Variants in ADGRV1 observed in about 807,000 individuals in gnomAD.
The protein encoded by ADGRV1 is G-protein coupled receptor 98.
In ADGRV1, 359 loss-of-function variants were observed where a neutral mutation model predicts 596.2. The ratio of observed to expected loss-of-function variants is 0.60; its 90% CI spans 0.55 to 0.66. ADGRV1 has a LOEUF of 0.66. Among genes scored for constraint, ADGRV1 ranks in the 30% least tolerant of loss-of-function variants. The pLI is 0.00. For synonymous variants in ADGRV1, 2,681 were observed against 2,679.2 expected, an observed-to-expected ratio of 1.00 and a Z score of -0.02; for missense variants, 7,274 against 7,575.6, an observed-to-expected ratio of 0.96 and a Z score of 1.48.
chr5:90,986,148 G>T (rs1229687169), intron 85 of ADGRV1, among the ~76,000 whole-genome samples: 1 of 147,850 alleles, frequency 6.8e-6, no homozygotes, highest in Non-Finnish European at 1.5e-5. Context: ...CCTAAATCCG[G>T]TATGTTGTAG....
intron 65 of ADGRV1, among the ~76,000 whole-genome samples, chr5:90,782,875 C>T (rs1442331020): frequency 6.6e-6 from 1 of 152,102 alleles, no homozygotes; most frequent in Admixed American, 6.6e-5. Context: ...GCCAATGCTA[C>T]TGATTAAATA....
chr5:90,711,084 C>A, intron 40 of ADGRV1, 25 bp downstream of exon 40: 1 of 1,585,742 alleles, frequency 6.3e-7, no homozygotes, highest in Admixed American at 1.7e-5. Flanking sequence ...GCATGAGAGC[C>A]CTCTTCTGGG....
intron 87 of ADGRV1, among the ~76,000 whole-genome samples, chr5:91,110,058 C>T (rs1792233085): frequency 6.6e-6 from 1 of 152,070 alleles, no homozygotes. Flanking sequence ...CTATATTGTC[C>T]ACAAGAAATT....
chr5:90,833,707 G>A (rs530743014), intron 77 of ADGRV1, among the ~76,000 whole-genome samples: 16 of 151,926 alleles, frequency 1.1e-4, no homozygotes, highest in South Asian at 8.3e-4. Flanking sequence ...GTTCACTGTC[G>A]GCATATAGAA....
At chr5:90,713,855 C>G (rs1351055904) in intron 42 of ADGRV1, among the ~76,000 whole-genome samples, 2 of 152,110 alleles carry the variant, frequency 1.3e-5, no homozygotes, top group African/African-American at 4.8e-5. Context: ...CTCTCTCAAG[C>G]TTACTTTATA....
At chr5:90,969,256 T>G (rs1303405958) in intron 84 of ADGRV1, among the ~76,000 whole-genome samples, 2 of 152,240 alleles carry the variant, frequency 1.3e-5, no homozygotes, top group Admixed American at 1.3e-4. Flanking sequence ...ATGCATACTC[T>G]GTACATATTT....
chr5:90,953,611 CTT>C (rs1445094543), intron 83 of ADGRV1, among the ~76,000 whole-genome samples: 1 of 151,928 alleles, frequency 6.6e-6, no homozygotes, highest in African/African-American at 2.4e-5. Context: ...TCATAAATGT[CTT>C]GATATTTCTT....
At chr5:90,672,299 A>G (rs1772594299) in intron 21 of ADGRV1, among the ~76,000 whole-genome samples, 1 of 152,236 alleles carries the variant, frequency 6.6e-6, no homozygotes, top group Admixed American at 6.5e-5. Context: ...TTACTTGTGC[A>G]GTTAAGACAT....
At chr5:90,878,636 T>G (rs1035069085) in intron 83 of ADGRV1, among the ~76,000 whole-genome samples, 17 of 152,324 alleles carry the variant, frequency 1.1e-4, no homozygotes, top group South Asian at 1.0e-3. Flanking sequence ...AATGCCTCTA[T>G]GTTCACAGTC....
intron 85 of ADGRV1, among the ~76,000 whole-genome samples, chr5:91,051,864 T>C (rs190207053): frequency 5.3e-5 from 8 of 152,264 alleles, no homozygotes; most frequent in Admixed American, 3.3e-4. Context: ...TTTTTTACAA[T>C]GATGAGAACC....
chr5:91,102,106 T>G (rs1791433160), intron 86 of ADGRV1, 113 bp from the exon 87 acceptor site: 1 of 919,908 alleles, frequency 1.1e-6, no homozygotes. Context: ...TTTCCAAGGT[T>G]GTTCTCTCAA....
intron 53 of ADGRV1, 71 bp from the exon 54 acceptor site, chr5:90,753,503 A>C (rs925671343): frequency 1.7e-6 from 2 of 1,155,648 alleles, no homozygotes; most frequent in Admixed American, 2.1e-5. Flanking sequence ...AAGAAAATCA[A>C]TTTTTAAAAT....
intron 52 of ADGRV1, among the ~76,000 whole-genome samples, chr5:90,748,726 C>A (rs145410632): frequency 2.8e-4 from 43 of 152,174 alleles, no homozygotes; most frequent in South Asian, 1.0e-3. Flanking sequence ...TGGAAAATTG[C>A]AGCTCCCCAC....
At chr5:90,931,982 T>G (rs1775293300) in intron 83 of ADGRV1, among the ~76,000 whole-genome samples, 1 of 152,218 alleles carries the variant, frequency 6.6e-6, no homozygotes, top group Admixed American at 6.5e-5. Flanking sequence ...TGAGGGACTC[T>G]AGCTTTAGAT....
intron 83 of ADGRV1, among the ~76,000 whole-genome samples, chr5:90,950,269 C>A (rs1353858432): frequency 6.6e-6 from 1 of 151,980 alleles, no homozygotes; most frequent in South Asian, 2.1e-4. Flanking sequence ...AGGAAGTATT[C>A]CAGGTGAGAA....
chr5:91,130,696 G>A (rs544120257), intron 87 of ADGRV1, among the ~76,000 whole-genome samples: 2 of 152,226 alleles, frequency 1.3e-5, no homozygotes, highest in South Asian at 4.2e-4. Flanking sequence ...ATTGCATGAT[G>A]CTGGGGTTTG....
At chr5:90,881,513 A>G (rs534160564) in intron 83 of ADGRV1, among the ~76,000 whole-genome samples, 45 of 152,084 alleles carry the variant, frequency 3.0e-4, no homozygotes, top group Admixed American at 1.0e-3. Context: ...TTAATCTTGT[A>G]TTTTTCCATA....
At chr5:90,760,794 G>C (rs140050494) in intron 58 of ADGRV1, among the ~76,000 whole-genome samples, 2,268 of 152,180 alleles carry the variant, frequency 0.015, 45 homozygotes, top group African/African-American at 0.051. Flanking sequence ...AGAAAAAAAG[G>C]CTAATTAATC....
At chr5:90,693,267 A>T (rs1013650923) in intron 32 of ADGRV1, among the ~76,000 whole-genome samples, 9 of 151,702 alleles carry the variant, frequency 5.9e-5, no homozygotes, top group African/African-American at 2.2e-4. Flanking sequence ...CCTTGGATAT[A>T]ACAAAATCCT....
Sources: allele counts gnomAD v4.1 joint callset (sites outside exome capture counted in the v4.1 genomes callset), GRCh38; gene constraint gnomAD v4.1.1; transcripts MANE v1.5; gene names NCBI Gene and HGNC (gene_info 2026-07-23, HGNC 2026-07-21).